JAZF1: variants seen among roughly 807,000 people sequenced by gnomAD.
JAZF1 encodes the protein JAZF zinc finger 1.
Under a neutral mutation model 26.4 loss-of-function variants are expected in JAZF1, and 8 were observed. That is an observed-to-expected ratio of 0.30 (90% CI 0.18 to 0.55). JAZF1 has a LOEUF of 0.55. Among genes scored for constraint, JAZF1 ranks in the 20% least tolerant of loss-of-function variants. The pLI is 0.94. For synonymous variants in JAZF1, 126 were observed against 122.3 expected (o/e 1.03, Z -0.20); for missense variants, 199 against 322.0 (o/e 0.62, Z 2.92).
At chr7:27,999,819 G>A (rs1786095742) in intron 1 of JAZF1, among the ~76,000 whole-genome samples, 1 of 152,174 alleles carries the variant, frequency 6.6e-6, no homozygotes, top group South Asian at 2.1e-4. Context: ...GCTCTGCCTT[G>A]GAGAGTCAGG....
Position 27,830,870 on chromosome 7 carries a change from G to GAAAGC in JAZF1, c.*1925_*1929dup, listed in dbSNP as rs1782673479. 9.4e-6 allele frequency: 2 copies of GAAAGC among 213,290 alleles called. No individual in the cohort carries two copies. The highest frequency in any genetic ancestry group is 1.9e-5 in the Non-Finnish European group (2 of 105,208). 13.2% of individuals were successfully genotyped at this position (213,290 alleles called of 1,614,324 possible). On this transcript the variant is annotated 3_prime_UTR_variant, in exon 5 of 5. Coordinates refer to ENST00000283928, the MANE Select transcript of JAZF1 (RefSeq NM_175061.4). Reference sequence around the variant, plus strand: ...TAAATAGAAATTGGAATTTATCTTTGAAAGCATTGAAAGAAATTTAACATG... The same window carrying GAAAGC: ...TAAATAGAAATTGGAATTTATCTTTGAAAGCAAAGCATTGAAAGAAATTTAACATG...
intron 1 of JAZF1, among the ~76,000 whole-genome samples, chr7:28,041,586 G>C (rs1410121592): frequency 6.6e-6 from 1 of 152,068 alleles, no homozygotes; most frequent in African/African-American, 2.4e-5. Flanking sequence ...GTTTGTGTCT[G>C]AGCCTCATCA....
intron 1 of JAZF1, among the ~76,000 whole-genome samples, chr7:28,066,602 CAAAAAAAAAAAAAAAA>C (rs911062551): frequency 1.3e-4 from 4 of 31,766 alleles, no homozygotes; most frequent in South Asian, 1.5e-3. Flanking sequence ...GACTCCATCT[CAAAAAAAAAAAAAAAA>C]AAAAAAAAAG....
chr7:27,902,866 A>G (rs1365280108), intron 2 of JAZF1, among the ~76,000 whole-genome samples: 4 of 152,128 alleles, frequency 2.6e-5, no homozygotes, highest in Admixed American at 6.5e-5. Flanking sequence ...AATACAAAAA[A>G]TTAGCCAGGC....
chr7:28,119,539 A>AT (rs1490529342), intron 1 of JAZF1, among the ~76,000 whole-genome samples: 1 of 152,004 alleles, frequency 6.6e-6, no homozygotes, highest in Non-Finnish European at 1.5e-5. Context: ...CCACTCATCT[A>AT]TTTCAGACCC....
chr7:28,139,294 AG>A (rs1782929383), intron 1 of JAZF1, among the ~76,000 whole-genome samples: 1 of 152,246 alleles, frequency 6.6e-6, no homozygotes, highest in African/African-American at 2.4e-5. Context: ...CCCAGGGAAC[AG>A]TTAGTGCCAT....
intron 1 of JAZF1, among the ~76,000 whole-genome samples, chr7:28,160,725 T>C (rs1336357703): frequency 2.0e-5 from 3 of 152,166 alleles, no homozygotes; most frequent in South Asian, 2.1e-4. Context: ...AACAGCTCCA[T>C]AGTCAGAAAC....
intron 1 of JAZF1, among the ~76,000 whole-genome samples, chr7:28,015,295 A>G (rs10249240): frequency 0.058 from 8,824 of 152,182 alleles, 859 homozygotes; most frequent in African/African-American, 0.2. Context: ...CATAGTGGCT[A>G]AATGTTAATA....
At chr7:28,111,660 C>G (rs147525145) in intron 1 of JAZF1, among the ~76,000 whole-genome samples, 1 of 152,190 alleles carries the variant, frequency 6.6e-6, no homozygotes, top group African/African-American at 2.4e-5. Context: ...TCAAAAAGTG[C>G]TCTGTAAGTA....
intron 2 of JAZF1, among the ~76,000 whole-genome samples, chr7:27,922,704 T>C (rs1784552298): frequency 6.6e-6 from 1 of 151,920 alleles, no homozygotes; most frequent in Non-Finnish European, 1.5e-5. Flanking sequence ...CAAGAGAGTA[T>C]TAATTTAAAA....
chr7:27,900,689 T>C (rs951276222), intron 2 of JAZF1, among the ~76,000 whole-genome samples: 3 of 152,198 alleles, frequency 2.0e-5, no homozygotes, highest in African/African-American at 7.2e-5. Flanking sequence ...GAACGAAGAA[T>C]GAATAAGAAA....
chr7:28,042,984 A>C (rs1029254341), intron 1 of JAZF1, among the ~76,000 whole-genome samples: 1 of 152,184 alleles, frequency 6.6e-6, no homozygotes, highest in Non-Finnish European at 1.5e-5. Flanking sequence ...TCTACTAAGT[A>C]CGTGTGCTTT....
chr7:28,024,715 G>A (rs746362278), intron 1 of JAZF1, among the ~76,000 whole-genome samples: 8 of 152,226 alleles, frequency 5.3e-5, no homozygotes, highest in Middle Eastern at 6.8e-3. Flanking sequence ...TCTTTATTAA[G>A]CTTCCCAGAG....
chr7:28,091,385 T>C (rs1174904683), intron 1 of JAZF1, among the ~76,000 whole-genome samples: 2 of 151,824 alleles, frequency 1.3e-5, no homozygotes, highest in African/African-American at 4.8e-5. Context: ...TTATGAGGCA[T>C]TTTCCCTTGC....
chr7:27,879,686 C>T (rs957382253), intron 3 of JAZF1, among the ~76,000 whole-genome samples: 1 of 152,068 alleles, frequency 6.6e-6, no homozygotes, highest in Non-Finnish European at 1.5e-5. Flanking sequence ...CACCATCCTA[C>T]ATTTAGTATC....
intron 2 of JAZF1, among the ~76,000 whole-genome samples, chr7:27,902,419 T>C (rs1273282507): frequency 6.6e-6 from 1 of 152,222 alleles, no homozygotes; most frequent in Non-Finnish European, 1.5e-5. Context: ...ATTGACTTCT[T>C]GACCCCCTGG....
intron 1 of JAZF1, chr7:28,020,481 G>A: frequency 4.7e-6 from 2 of 427,206 alleles, no homozygotes; most frequent in South Asian, 1.7e-5. Context: ...CTGGAAGCAG[G>A]AGTTGAAGCC....
At chr7:27,969,194 A>G (rs1209004859) in intron 2 of JAZF1, among the ~76,000 whole-genome samples, 2 of 152,220 alleles carry the variant, frequency 1.3e-5, no homozygotes, top group East Asian at 3.8e-4. Context: ...AGAGTGAGTC[A>G]GCCAAGTCTG....
chr7:28,073,687 C>T (rs1583545393), intron 1 of JAZF1, among the ~76,000 whole-genome samples: 1 of 152,154 alleles, frequency 6.6e-6, no homozygotes, highest in South Asian at 2.1e-4. Flanking sequence ...ATTGCCCCTG[C>T]CCGGGGCAGT....
Sources: allele counts gnomAD v4.1 joint callset (sites outside exome capture counted in the v4.1 genomes callset), GRCh38; gene constraint gnomAD v4.1.1; transcripts MANE v1.5; gene names NCBI Gene and HGNC (gene_info 2026-07-23, HGNC 2026-07-21).